C1QTNF3: variants seen among roughly 807,000 people sequenced by gnomAD.
The protein encoded by C1QTNF3 is complement C1q tumor necrosis factor-related protein 3.
A neutral mutation model predicts 32.6 loss-of-function variants in C1QTNF3; 26 were observed. That is an observed-to-expected ratio of 0.80 (90% CI 0.58 to 1.11). The LOEUF is 1.11. Among genes scored for constraint, C1QTNF3 ranks in the 50% least tolerant of loss-of-function variants. The pLI is 0.00. For missense variants in C1QTNF3, 362 were observed against 398.2 expected (o/e 0.91, Z 0.77); for synonymous variants, 155 against 146.0 (o/e 1.06, Z -0.44).
In C1QTNF3 at chr5:34,020,539, C is replaced by CAGCT. The variant is rs1754298907; in HGVS notation, c.*40_*43dup. On this transcript the variant is annotated 3_prime_UTR_variant, in exon 6 of 6. Coordinates refer to ENST00000382065, the MANE Select transcript of C1QTNF3 (RefSeq NM_181435.6). ...TTCCTCAGATCGTAACAAATCAGCT[C>CAGCT]AGCTACAAGTCTTCCCCAAAGTGGA... The CAGCT allele has an allele frequency of 6.3e-7, 1 of 1,591,260 alleles. No homozygotes were observed. Among genetic ancestry groups the CAGCT allele is most frequent in the East Asian group, 2.2e-5 (1 of 44,492 alleles).
At chr5:34,176,273 G>C in the C1QTNF3 span, among the ~76,000 whole-genome samples, 2 of 124,894 alleles carry the variant, frequency 1.6e-5, no homozygotes, top group African/African-American at 3.0e-5. Flanking sequence ...GGAGGGGGGA[G>C]GGATAGCATT....
chr5:34,215,476 A>G, the C1QTNF3 span, among the ~76,000 whole-genome samples: 1 of 152,186 alleles, frequency 6.6e-6, no homozygotes, highest in Non-Finnish European at 1.5e-5. Flanking sequence ...TCTGGCCTCC[A>G]GGGAACCGGT....
intron 1 of C1QTNF3, among the ~76,000 whole-genome samples, chr5:34,037,539 G>T (rs1754770302): frequency 6.6e-6 from 1 of 152,122 alleles, no homozygotes; most frequent in Non-Finnish European, 1.5e-5. Context: ...AAGCTATTCA[G>T]GGAAAACACA....
At chr5:34,140,243 T>TA in the C1QTNF3 span, among the ~76,000 whole-genome samples, 2 of 152,232 alleles carry the variant, frequency 1.3e-5, no homozygotes, top group East Asian at 3.9e-4. Flanking sequence ...TGGCAGACTG[T>TA]ACCAGTAATT....
At chr5:34,099,402 C>T in the C1QTNF3 span, among the ~76,000 whole-genome samples, 2 of 152,146 alleles carry the variant, frequency 1.3e-5, no homozygotes, top group African/African-American at 4.8e-5. Context: ...AATATAGCTA[C>T]ATTTAATTGC....
chr5:34,114,667 C>G, the C1QTNF3 span, among the ~76,000 whole-genome samples: 1 of 152,028 alleles, frequency 6.6e-6, no homozygotes. Context: ...CAATTGCACA[C>G]TTTATTTCAA....
At chr5:34,130,600 G>A in the C1QTNF3 span, among the ~76,000 whole-genome samples, 2 of 152,000 alleles carry the variant, frequency 1.3e-5, no homozygotes, top group East Asian at 3.8e-4. Flanking sequence ...TAAAGACTTA[G>A]AATTCTGTCT....
chr5:34,129,507 C>T, the C1QTNF3 span, among the ~76,000 whole-genome samples: 6 of 152,004 alleles, frequency 3.9e-5, no homozygotes, highest in African/African-American at 7.2e-5. Flanking sequence ...TTATTAGAGG[C>T]GATGGGTATG....
the C1QTNF3 span, among the ~76,000 whole-genome samples, chr5:34,232,191 T>C: frequency 1.3e-5 from 2 of 151,892 alleles, no homozygotes; most frequent in Non-Finnish European, 1.5e-5. Flanking sequence ...CTTATGGAAT[T>C]GGAGTGTTTA....
At chr5:34,159,703 A>T in the C1QTNF3 span, among the ~76,000 whole-genome samples, 2 of 152,068 alleles carry the variant, frequency 1.3e-5, no homozygotes, top group Non-Finnish European at 2.9e-5. Flanking sequence ...GGACTTGCCA[A>T]GTAATATGCT....
the C1QTNF3 span, among the ~76,000 whole-genome samples, chr5:34,209,644 T>C: frequency 1.3e-5 from 2 of 152,258 alleles, no homozygotes; most frequent in African/African-American, 2.4e-5. Flanking sequence ...CAAACCTTGA[T>C]AGATCATTTT....
the C1QTNF3 span, among the ~76,000 whole-genome samples, chr5:34,222,128 G>A: frequency 6.6e-6 from 1 of 151,798 alleles, no homozygotes; most frequent in South Asian, 2.1e-4. Context: ...ATCCAAATAA[G>A]TAATGTTAAT....
At chr5:34,115,480 C>T in the C1QTNF3 span, among the ~76,000 whole-genome samples, 3 of 152,110 alleles carry the variant, frequency 2.0e-5, no homozygotes, top group South Asian at 2.1e-4. Flanking sequence ...CCTGTAATCT[C>T]AGCACTTTGG....
chr5:34,174,433 C>T, the C1QTNF3 span, among the ~76,000 whole-genome samples: 1 of 152,200 alleles, frequency 6.6e-6, no homozygotes. Context: ...AGAAACCATT[C>T]ATCCTAGGTG....
chr5:34,177,688 C>T, the C1QTNF3 span, among the ~76,000 whole-genome samples: 5 of 151,688 alleles, frequency 3.3e-5, no homozygotes, highest in African/African-American at 1.2e-4. Context: ...GGGGTTTCAC[C>T]ATGTTGGTCA....
chr5:34,232,792 A>C, the C1QTNF3 span, among the ~76,000 whole-genome samples: 2 of 152,202 alleles, frequency 1.3e-5, no homozygotes, highest in Non-Finnish European at 2.9e-5. Context: ...TCATTGTGAA[A>C]ATTCACTACT....
rs371983481 is a variant in C1QTNF3 at position 34,029,406 on chromosome 5, C to T, written c.571-523G>A. ...CCACCTTCCTCGGCCTCCCAAAGTGCTGGGATTATAGGCGTGAGCCATGGT... is the reference window on the plus strand; with the variant it reads ...CCACCTTCCTCGGCCTCCCAAAGTGTTGGGATTATAGGCGTGAGCCATGGT... On this transcript the variant is annotated intron_variant, in intron 3 of 5. Transcript: ENST00000382065. 7.0e-4 allele frequency among the ~76,000 whole-genome samples: 107 copies of T among 152,076 alleles called. 3 individuals carry two copies. Among genetic ancestry groups the T allele is most frequent in the African/African-American group, 2.2e-3 (92 of 41,492 alleles).
Position 34,024,022 on chromosome 5 carries a change from G to T in C1QTNF3, c.701-14C>A, listed in dbSNP as rs761302000. Reference sequence around the variant, plus strand: ...AGAAATACACACCTGAAAAAAGCAGGTATATATCCATGTTGATATTAACAT... The same window carrying T: ...AGAAATACACACCTGAAAAAAGCAGTTATATATCCATGTTGATATTAACAT... On this transcript the variant is annotated splice_polypyrimidine_tract_variant and intron_variant, in intron 4 of 5. Transcript: ENST00000382065. 2 of 1,605,474 alleles carry T rather than the reference G, an allele frequency of 1.2e-6. No homozygotes were observed. Among genetic ancestry groups the T allele is most frequent in the Non-Finnish European group, 1.7e-6 (2 of 1,172,702 alleles).
chr5:34,129,787 A>G, the C1QTNF3 span, among the ~76,000 whole-genome samples: 1 of 151,806 alleles, frequency 6.6e-6, no homozygotes, highest in African/African-American at 2.4e-5. Context: ...AACAACCTCT[A>G]TATTTCTCCC....
Sources: gnomAD v4.1 joint callset for allele counts (sites outside exome capture counted in the v4.1 genomes callset) on GRCh38, gnomAD v4.1.1 for gene constraint, MANE v1.5 for transcripts, NCBI Gene and HGNC (gene_info 2026-07-23, HGNC 2026-07-21) for gene names.